Variants in TBC1D8 observed in about 807,000 individuals in gnomAD.
TBC1D8 encodes TBC1 domain family member 8.
TBC1D8 carries 65 observed loss-of-function variants against 118.8 expected under a neutral mutation model. The ratio of observed to expected loss-of-function variants is 0.55; its 90% CI spans 0.45 to 0.67. The LOEUF (loss-of-function observed/expected upper bound fraction) is 0.67. TBC1D8 is among the 30% of genes least tolerant of loss of function. The pLI, the probability that TBC1D8 is intolerant of heterozygous loss-of-function variation, is 0.00. For synonymous variants in TBC1D8, 566 were observed against 595.8 expected (o/e 0.95, Z 0.73); for missense variants, 1,376 against 1,471.2 (o/e 0.94, Z 1.06).
At chr2:101,098,700 G>C (rs898259927) in intron 1 of TBC1D8, among the ~76,000 whole-genome samples, 1 of 152,130 alleles carries the variant, frequency 6.6e-6, no homozygotes, top group Non-Finnish European at 1.5e-5. Context: ...CAGAACTCAG[G>C]ATTAAGAAAC....
At chr2:101,041,638 CTG>C (rs368569648) in intron 5 of TBC1D8, among the ~76,000 whole-genome samples, 75 of 152,146 alleles carry the variant, frequency 4.9e-4, no homozygotes, top group African/African-American at 1.7e-3. Context: ...TTGCACAACT[CTG>C]TGAACATGGT....
chr2:101,046,654 G>A (rs184770882), intron 5 of TBC1D8, among the ~76,000 whole-genome samples: 13 of 152,132 alleles, frequency 8.5e-5, no homozygotes, highest in East Asian at 5.8e-4. Context: ...AGTGGGAGCC[G>A]AGAAAGAAGA....
intron 2 of TBC1D8, among the ~76,000 whole-genome samples, chr2:101,060,542 TCAC>T (rs1682699108): frequency 6.6e-6 from 1 of 152,238 alleles, no homozygotes; most frequent in South Asian, 2.1e-4. Flanking sequence ...TTTTTTTAAA[TCAC>T]CACATTATTA....
chr2:101,083,134 G>A (rs1180824028), intron 2 of TBC1D8, among the ~76,000 whole-genome samples: 2 of 151,966 alleles, frequency 1.3e-5, no homozygotes, highest in African/African-American at 4.8e-5. Context: ...TTTATATGAG[G>A]AAGTCTTAAC....
chr2:101,105,487 G>A (rs1351738630), intron 1 of TBC1D8, among the ~76,000 whole-genome samples: 1 of 151,544 alleles, frequency 6.6e-6, no homozygotes, highest in Non-Finnish European at 1.5e-5. Context: ...TACTCCGGAG[G>A]CTGAAGCAGG....
intron 2 of TBC1D8, among the ~76,000 whole-genome samples, chr2:101,068,078 A>G (rs1415502894): frequency 6.6e-6 from 1 of 152,154 alleles, no homozygotes; most frequent in Non-Finnish European, 1.5e-5. Context: ...TTCAGGCTCC[A>G]CTTCTAATTC....
At chr2:101,008,369 G>C in intron 19 of TBC1D8, 96 bp from the exon 20 acceptor site, 1 of 992,406 alleles carries the variant, frequency 1.0e-6, no homozygotes, top group Non-Finnish European at 1.4e-6. Context: ...AAACGACACA[G>C]TATTTTTGAA....
Position 101,022,316 on chromosome 2 carries a change from T to A in TBC1D8, c.2726A>T (p.Gln909Leu). ...CACAAACGCTTTGAACTCGATGAGC[T>A]GGTCCATGTTGTCATCCAAGAGCCT... ...TFRLLDDNMD[Q>L]LIEFKAFVSC... The change falls in exon 16 of 20, where the codon CAG becomes CTG. Residue 909 changes from glutamine (Q) to leucine (L), a missense_variant. Physicochemically the swap from Gln to Leu is moderately radical, Grantham distance 113. Coordinates refer to ENST00000409318, the MANE Select transcript of TBC1D8 (RefSeq NM_001330348.2). 1 of 1,612,766 alleles carries A rather than the reference T, an allele frequency of 6.2e-7. No individual in the cohort carries two copies. Among genetic ancestry groups the A allele is most frequent in the Non-Finnish European group, 8.5e-7 (1 of 1,179,618 alleles).
At chr2:101,069,125 C>T (rs1683170292) in intron 2 of TBC1D8, among the ~76,000 whole-genome samples, 1 of 151,726 alleles carries the variant, frequency 6.6e-6, no homozygotes, top group South Asian at 2.1e-4. Context: ...TGGTGAAACC[C>T]CATCTCTACT....
chr2:101,011,583 C>G lies in TBC1D8; in HGVS notation c.2828-43G>C. 2 of 1,598,362 alleles carry G rather than the reference C, an allele frequency of 1.3e-6. No individual in the cohort carries two copies. The highest frequency in any genetic ancestry group is 1.7e-6 in the Non-Finnish European group (2 of 1,166,806). The stretch of plus-strand genomic sequence containing the variant: ...GGTTTAAATTAAACAAATTTTCTGC[C>G]TTACCAAAACTGACAGTAATGTAGC... On this transcript the variant is annotated intron_variant, in intron 17 of 19. Coordinates refer to ENST00000409318, the MANE Select transcript of TBC1D8 (RefSeq NM_001330348.2).
rs140284090 is a variant in TBC1D8 at position 101,029,003 on chromosome 2, G to A, written c.2222+488C>T. Among the ~76,000 whole-genome samples, 655 of 152,344 alleles carry A rather than the reference G, an allele frequency of 4.3e-3. 4 individuals are homozygous for A. Among genetic ancestry groups the A allele is most frequent in the Non-Finnish European group, 7.3e-3 (496 of 68,044 alleles). On this transcript the variant is annotated intron_variant, in intron 12 of 19. Coordinates refer to ENST00000409318, the MANE Select transcript of TBC1D8 (RefSeq NM_001330348.2). ...TTTCTCACTGTGGAAAGGAGTGAGGGACAATGGCACCCTTCACCCCATGCC... is the reference window on the plus strand; with the variant it reads ...TTTCTCACTGTGGAAAGGAGTGAGGAACAATGGCACCCTTCACCCCATGCC...
intron 1 of TBC1D8, among the ~76,000 whole-genome samples, chr2:101,120,241 G>A (rs796058): frequency 0.19 from 28,943 of 152,108 alleles, 3,244 homozygotes; most frequent in African/African-American, 0.3. Flanking sequence ...CTCTTTGGCC[G>A]CTGCTCCCAA....
Position 101,007,825 on chromosome 2 carries a change from A to AAGTT in TBC1D8, c.3460_3463dup (p.Leu1155Ter), listed in dbSNP as rs1210476797. ...TGCATAGCAGCTGCTGTCTTGCTAC[A>AAGTT]AGTTACTCAGCTTAAGTTCAGATTG... On this transcript the variant is annotated stop_gained and frameshift_variant, in exon 20 of 20. Transcript: ENST00000409318. LOFTEE classifies it high-confidence loss of function. The AAGTT allele has an allele frequency of 1.9e-6, 3 of 1,613,438 alleles. No homozygotes were observed. Among genetic ancestry groups the AAGTT allele is most frequent in the South Asian group, 2.2e-5 (2 of 91,050 alleles).
chr2:101,010,836 C>G, intron 19 of TBC1D8, 93 bp downstream of exon 19: 1 of 1,023,812 alleles, frequency 9.8e-7, no homozygotes, highest in Non-Finnish European at 1.4e-6. Context: ...GGGCTGAGAT[C>G]GCGCCACTGT....
intron 1 of TBC1D8, among the ~76,000 whole-genome samples, chr2:101,100,387 T>C (rs6747848): frequency 0.3 from 45,167 of 151,926 alleles, 6,869 homozygotes; most frequent in East Asian, 0.38. Flanking sequence ...GGAAAAACAT[T>C]TCATCCTCAT....
At chr2:101,096,923 G>A (rs988331587) in intron 1 of TBC1D8, among the ~76,000 whole-genome samples, 22 of 152,240 alleles carry the variant, frequency 1.4e-4, no homozygotes, top group Non-Finnish European at 3.1e-4. Context: ...CATTTGAAGC[G>A]ATAATGGTCA....
intron 3 of TBC1D8, among the ~76,000 whole-genome samples, chr2:101,056,420 T>C (rs1033324283): frequency 1.3e-5 from 2 of 152,038 alleles, no homozygotes; most frequent in African/African-American, 4.8e-5. Context: ...GCCAGGATGG[T>C]CTCGATTTCC....
At chr2:101,017,818 T>A (rs1244463004) in intron 17 of TBC1D8, 1 of 1,547,850 alleles carries the variant, frequency 6.5e-7, no homozygotes, top group Non-Finnish European at 8.7e-7. Flanking sequence ...GTTTTCATAC[T>A]AATACTAACA....
intron 7 of TBC1D8, 41 bp from the exon 8 acceptor site, chr2:101,037,749 G>A (rs993963300): frequency 1.2e-6 from 2 of 1,605,622 alleles, no homozygotes; most frequent in Admixed American, 3.3e-5. Flanking sequence ...AGAGAGGAGA[G>A]GAGAAAATCA....
Sources: gnomAD v4.1 joint callset for allele counts (sites outside exome capture counted in the v4.1 genomes callset) on GRCh38, gnomAD v4.1.1 for gene constraint, MANE v1.5 for transcripts, NCBI Gene and HGNC (gene_info 2026-07-23, HGNC 2026-07-21) for gene names.